OPCML: variants seen among roughly 807,000 people sequenced by gnomAD.
The protein encoded by OPCML is opioid-binding protein/cell adhesion molecule.
OPCML carries 13 observed loss-of-function variants against 37.8 expected under a neutral mutation model. That is an observed-to-expected ratio of 0.34 (90% CI 0.22 to 0.55). The LOEUF is 0.55. OPCML is among the 20% of genes least tolerant of loss of function. The pLI, the probability that OPCML is intolerant of heterozygous loss-of-function variation, is 0.91. For missense variants in OPCML, 341 were observed against 435.6 expected (o/e 0.78, Z 1.93); for synonymous variants, 176 against 168.8 (o/e 1.04, Z -0.33).
chr11:132,864,092 C>T (rs997355971), intron 2 of OPCML, among the ~76,000 whole-genome samples: 4 of 152,132 alleles, frequency 2.6e-5, no homozygotes, highest in African/African-American at 9.7e-5. Context: ...CATGCGCCAC[C>T]AAGCCTGGCT....
rs139006731 is a variant in OPCML at position 132,692,634 on chromosome 11, G to A, written c.147-35315C>T. Among the ~76,000 whole-genome samples, 36 of 152,294 alleles carry A rather than the reference G, an allele frequency of 2.4e-4. 1 individual carries two copies. Among genetic ancestry groups the A allele is most frequent in the African/African-American group, 8.2e-4 (34 of 41,564 alleles). ...CACAGAAACATTTTCCCTTCAAAAT[G>A]TTGAGCTTCCGGAGGCAGGAACTAG... On this transcript the variant is annotated intron_variant, in intron 2 of 7. Transcript: ENST00000524381.
At chr11:133,368,333 A>T (rs1350187596) in intron 1 of OPCML, among the ~76,000 whole-genome samples, 2 of 151,830 alleles carry the variant, frequency 1.3e-5, no homozygotes, top group Non-Finnish European at 2.9e-5. Context: ...GGAGAGGGAG[A>T]GGGAGTATTT....
intron 1 of OPCML, among the ~76,000 whole-genome samples, chr11:133,084,559 T>C (rs1244067786): frequency 1.3e-5 from 2 of 152,100 alleles, no homozygotes; most frequent in African/African-American, 4.8e-5. Context: ...AATTGAAGGA[T>C]ATTCGGCTTG....
intron 1 of OPCML, among the ~76,000 whole-genome samples, chr11:133,460,182 A>G (rs771668236): frequency 6.6e-6 from 1 of 152,080 alleles, no homozygotes; most frequent in Non-Finnish European, 1.5e-5. Context: ...AAATCATGAC[A>G]TACCTGTCAT....
chr11:132,605,763 A>G (rs986411876), intron 3 of OPCML, among the ~76,000 whole-genome samples: 2 of 152,124 alleles, frequency 1.3e-5, no homozygotes, highest in Admixed American at 1.3e-4. Context: ...TGAGACCACA[A>G]CCTCCTTGAG....
In OPCML at chr11:133,211,411, G is replaced by A. The variant is rs956299126; in HGVS notation, c.62-268401C>T. On this transcript the variant is annotated intron_variant, in intron 1 of 7. Transcript: ENST00000524381. This position sits in a 1 kb window ranked among gnomAD's most constrained non-coding sequence, Gnocchi z 4.1. ...AAACTGGGAACAATAAGGCTTCAGA[G>A]CCTTGCACCTGTCAGGGATGGGTTT... Among the ~76,000 whole-genome samples the A allele has an allele frequency of 7.9e-5, 12 of 152,164 alleles. No homozygotes were observed. The highest frequency in any genetic ancestry group is 1.5e-4 in the Non-Finnish European group (10 of 68,038).
In OPCML at chr11:133,141,063, A is replaced by C. The variant is rs1199679690; in HGVS notation, c.62-198053T>G. ...ACGACGACGACGAAGAAGAAGAAGA[A>C]GAAGAAGAAGAAGAAGAAGAAGAAG... is the stretch of plus-strand genomic sequence containing the variant. On this transcript the variant is annotated intron_variant, in intron 1 of 7. Coordinates refer to ENST00000524381, the MANE Select transcript of OPCML (RefSeq NM_001012393.5). Among the ~76,000 whole-genome samples, 25 of 92,880 alleles carry C rather than the reference A, an allele frequency of 2.7e-4. 3 individuals carry two copies. Among genetic ancestry groups the C allele is most frequent in the African/African-American group, 6.6e-4 (20 of 30,124 alleles). The allele number at this position is 92,880 out of a possible 152,430, so 60.9% of individuals were successfully genotyped here. A position where few individuals can be genotyped will look rare whatever the true frequency, so the allele number is the denominator to read the frequency against.
At chr11:132,694,291 G>A (rs549102404) in intron 2 of OPCML, among the ~76,000 whole-genome samples, 59 of 143,980 alleles carry the variant, frequency 4.1e-4, no homozygotes, top group African/African-American at 1.4e-3. Flanking sequence ...CTCCGCCTCC[G>A]GGGTTCAAGC....
At chr11:133,331,589 C>T (rs1471190227) in intron 1 of OPCML, among the ~76,000 whole-genome samples, 1 of 152,144 alleles carries the variant, frequency 6.6e-6, no homozygotes, top group Non-Finnish European at 1.5e-5. Flanking sequence ...TGGGTTTAGC[C>T]TTGTCTCTTA....
intron 3 of OPCML, among the ~76,000 whole-genome samples, chr11:132,588,755 C>A (rs1441040889): frequency 6.6e-6 from 1 of 152,178 alleles, no homozygotes; most frequent in Non-Finnish European, 1.5e-5. Flanking sequence ...AAATGAAAGT[C>A]TCACCAGGGA....
chr11:133,261,952 T>A (rs1047713714), intron 1 of OPCML, among the ~76,000 whole-genome samples: 1 of 152,174 alleles, frequency 6.6e-6, no homozygotes, highest in Non-Finnish European at 1.5e-5. Context: ...GTTCTTGATC[T>A]CATCCGGGCA....
chr11:132,831,883 C>A (rs759738270), intron 2 of OPCML, among the ~76,000 whole-genome samples: 1 of 152,098 alleles, frequency 6.6e-6, no homozygotes, highest in Non-Finnish European at 1.5e-5. Flanking sequence ...CATTAAACAG[C>A]AATCACTTTG....
At chr11:132,626,812 T>TTC (rs375135656) in intron 3 of OPCML, among the ~76,000 whole-genome samples, 2,358 of 147,238 alleles carry the variant, frequency 0.016, 46 homozygotes, top group Middle Eastern at 0.05. Context: ...AAAGGGAAGT[T>TTC]TCTCTCTCTC....
chr11:133,115,604 C>T (rs964913247), intron 1 of OPCML, among the ~76,000 whole-genome samples: 1 of 152,148 alleles, frequency 6.6e-6, no homozygotes, highest in Non-Finnish European at 1.5e-5. Context: ...GGAAATACTC[C>T]ATTTCCCACT....
At position 133,251,578 on chromosome 11, in the gene OPCML, G is replaced by T. The variant is rs572386420; in HGVS notation, c.61+280686C>A. 2.2e-3 allele frequency among the ~76,000 whole-genome samples: 322 copies of T among 144,978 alleles called. 1 individual carries two copies. Among genetic ancestry groups the T allele is most frequent in the Middle Eastern group, 7.1e-3 (2 of 282 alleles). On this transcript the variant is annotated intron_variant, in intron 1 of 7. Coordinates refer to ENST00000524381, the MANE Select transcript of OPCML (RefSeq NM_001012393.5). ...TTTTGTTTGTTTGTGTTCTTTTTTT[G>T]GGGGGGGGAGGGGACACGGGGTACA...
chr11:132,578,793 G>A (rs1269864254), intron 3 of OPCML, among the ~76,000 whole-genome samples: 2 of 152,000 alleles, frequency 1.3e-5, no homozygotes, highest in Non-Finnish European at 2.9e-5. Context: ...CACCCATTAG[G>A]GAGCATTATC....
rs373464435 is a variant in OPCML, at chr11:132,628,586, C to T, written c.379+28501G>A. Among the ~76,000 whole-genome samples, 20 of 152,236 alleles carry T rather than the reference C, an allele frequency of 1.3e-4. No individual in the cohort carries two copies. The South Asian group carries it at 3.7e-3, about 28-fold the overall frequency. On this transcript the variant is annotated intron_variant, in intron 3 of 7. Transcript: ENST00000524381. ...AGGCCACAGCTTCAATCATCTCCTTCCTCAGGCTCTCCCACTCTGGGCCAC... is the reference window on the plus strand; with the variant it reads ...AGGCCACAGCTTCAATCATCTCCTTTCTCAGGCTCTCCCACTCTGGGCCAC...
intron 2 of OPCML, among the ~76,000 whole-genome samples, chr11:132,906,388 A>C (rs61906921): frequency 0.044 from 6,775 of 152,286 alleles, 239 homozygotes; most frequent in Non-Finnish European, 0.073. Flanking sequence ...GTCAGCCCTG[A>C]GGGGCCCTTG....
chr11:133,512,975 C>A (rs1408458607), intron 1 of OPCML, among the ~76,000 whole-genome samples: 1 of 152,126 alleles, frequency 6.6e-6, no homozygotes, highest in African/African-American at 2.4e-5. Context: ...ACTAAATATG[C>A]CTTTATCCTG....
Sources: gnomAD v4.1 joint callset for allele counts (sites outside exome capture counted in the v4.1 genomes callset) on GRCh38, gnomAD v4.1.1 for gene constraint, Gnocchi (gnomAD v3.1) non-coding constraint, MANE v1.5 for transcripts, NCBI Gene and HGNC (gene_info 2026-07-23, HGNC 2026-07-21) for gene names.